The following B3GALT1 variants were observed in gnomAD, a reference collection of about 807,000 sequenced individuals.
B3GALT1 encodes the protein UDP-Gal:betaGlcNAc beta 1,3-galactosyltransferase, polypeptide 1.
B3GALT1 carries 10 observed loss-of-function variants against 23.2 expected under a neutral mutation model. The ratio of observed to expected loss-of-function variants is 0.43; its 90% CI spans 0.27 to 0.73. The LOEUF (loss-of-function observed/expected upper bound fraction) is 0.73, where lower values mean the gene tolerates loss of function less well. Ranked by LOEUF, B3GALT1 falls within the 30% of genes least tolerant of loss-of-function variation. The pLI, the probability that B3GALT1 is intolerant of heterozygous loss-of-function variation, is 0.21. For synonymous variants in B3GALT1, 156 were observed against 141.5 expected, an observed-to-expected ratio of 1.10 and a Z score of -0.73; for missense variants, 299 against 405.4, an observed-to-expected ratio of 0.74 and a Z score of 2.25.
chr2:167,576,520 G>GTTTTTTTTTTGTTTTTTTTT (rs1558912483), intron 2 of B3GALT1, among the ~76,000 whole-genome samples: 1 of 122,424 alleles, frequency 8.2e-6, no homozygotes, highest in African/African-American at 3.0e-5. Context: ...TTGTTTTTCT[G>GTTTTTTTTTTGTTTTTTTTT]TTTTTTTTTT....
At chr2:167,618,593 A>G (rs750924699) in intron 2 of B3GALT1, among the ~76,000 whole-genome samples, 1 of 152,084 alleles carries the variant, frequency 6.6e-6, no homozygotes, top group African/African-American at 2.4e-5. Context: ...TTCATTAATT[A>G]TACGACTAAT....
intron 1 of B3GALT1, among the ~76,000 whole-genome samples, chr2:167,386,826 C>G (rs1697935601): frequency 1.3e-5 from 2 of 152,204 alleles, no homozygotes; most frequent in African/African-American, 4.8e-5. Flanking sequence ...GTGTTTCAAA[C>G]TAGTTTTAGA....
intron 2 of B3GALT1, among the ~76,000 whole-genome samples, chr2:167,645,217 C>CT (rs1480359267): frequency 3.9e-5 from 6 of 152,154 alleles, no homozygotes; most frequent in Admixed American, 1.3e-4. Context: ...CCACCAAATG[C>CT]TGCCCAACCT....
intron 3 of B3GALT1, among the ~76,000 whole-genome samples, chr2:167,752,855 A>C (rs1687760561): frequency 6.6e-6 from 1 of 152,218 alleles, no homozygotes; most frequent in South Asian, 2.1e-4. Flanking sequence ...AGTGAATTTG[A>C]GATAAACCTG....
chr2:167,443,392 T>C (rs1379385070), intron 1 of B3GALT1, among the ~76,000 whole-genome samples: 2 of 152,220 alleles, frequency 1.3e-5, no homozygotes, highest in East Asian at 3.9e-4. Flanking sequence ...TTTAAAGTAG[T>C]TTCTTCCAAT....
chr2:167,777,403 A>G (rs1327790849), intron 3 of B3GALT1, among the ~76,000 whole-genome samples: 2 of 152,108 alleles, frequency 1.3e-5, no homozygotes, highest in East Asian at 3.9e-4. Context: ...CTGGAGTGCA[A>G]TGGCACGATC....
chr2:167,700,471 T>C (rs1303294132), intron 3 of B3GALT1, among the ~76,000 whole-genome samples: 1 of 152,114 alleles, frequency 6.6e-6, no homozygotes, highest in African/African-American at 2.4e-5. Context: ...TTTTGGAACA[T>C]CAATTTTGGG....
intron 2 of B3GALT1, among the ~76,000 whole-genome samples, chr2:167,509,431 CAT>C (rs1385217410): frequency 2.0e-5 from 3 of 151,632 alleles, no homozygotes; most frequent in East Asian, 3.9e-4. Flanking sequence ...TATATATATA[CAT>C]ATGTGTGTGT....
rs575870954 is a variant in B3GALT1, at chr2:167,811,975, T to C, written c.-351-6697T>C. Among the ~76,000 whole-genome samples, 3 of 152,352 alleles carry C rather than the reference T, an allele frequency of 2.0e-5. No homozygotes were observed. The South Asian group carries it at 6.2e-4, about 32-fold the overall frequency. On this transcript the variant is annotated intron_variant, in intron 3 of 4. Coordinates refer to ENST00000392690, the MANE Select transcript of B3GALT1 (RefSeq NM_020981.4). Reference sequence around the variant, plus strand: ...TTGCTGTTTTTCAGTGGTGGTGCTATATGTGTACAGATGTTGGACTATTCT... The same window carrying C: ...TTGCTGTTTTTCAGTGGTGGTGCTACATGTGTACAGATGTTGGACTATTCT...
intron 2 of B3GALT1, among the ~76,000 whole-genome samples, chr2:167,503,561 A>G (rs1699877286): frequency 6.6e-6 from 1 of 152,224 alleles, no homozygotes; most frequent in Admixed American, 6.5e-5. Flanking sequence ...CAGCATCATT[A>G]TCCACTACCT....
chr2:167,674,606 G>A (rs1686390710), intron 3 of B3GALT1, among the ~76,000 whole-genome samples: 1 of 152,076 alleles, frequency 6.6e-6, no homozygotes, highest in African/African-American at 2.4e-5. Context: ...ATAGACCCAG[G>A]TATCTCAAAG....
intron 2 of B3GALT1, among the ~76,000 whole-genome samples, chr2:167,570,324 T>C (rs938391423): frequency 6.6e-6 from 1 of 151,822 alleles, no homozygotes; most frequent in African/African-American, 2.4e-5. Context: ...TTATTAGTTA[T>C]TGATTCAATT....
chr2:167,832,629 C>T (rs80227620), intron 4 of B3GALT1, among the ~76,000 whole-genome samples: 14,968 of 152,242 alleles, frequency 0.098, 1,040 homozygotes, highest in Non-Finnish European at 0.15. Context: ...AAACATATGT[C>T]CAGTTTCTAA....
intron 1 of B3GALT1, among the ~76,000 whole-genome samples, chr2:167,352,448 G>A (rs903256053): frequency 7.9e-5 from 12 of 151,526 alleles, no homozygotes; most frequent in Non-Finnish European, 1.5e-4. Context: ...GTAGCCGGGG[G>A]CAGTGGCTCA....
intron 3 of B3GALT1, among the ~76,000 whole-genome samples, chr2:167,691,411 CAATCACTTTGTTTTCATCATCAAAACA>C (rs1283841613): frequency 6.6e-6 from 1 of 152,098 alleles, no homozygotes; most frequent in Non-Finnish European, 1.5e-5. Context: ...TTTAACTGTG[CAATCACTTTGTTTTCATCATCAAAACA>C]TATAATTAAA....
chr2:167,477,062 C>G (rs770998159), intron 1 of B3GALT1, among the ~76,000 whole-genome samples: 1 of 152,134 alleles, frequency 6.6e-6, no homozygotes, highest in Non-Finnish European at 1.5e-5. Context: ...AATCCTAATG[C>G]GTAACTCAAA....
rs1689601012 is a variant in B3GALT1 at position 167,839,998 on chromosome 2, C to T, written c.-230+21205C>T. On this transcript the variant is annotated intron_variant, in intron 4 of 4. Transcript: ENST00000392690. ...CATATGTAGAAAGCTGAAACTGGAT[C>T]CCTTCCTTACACCTTATACAAAAAT... Among the ~76,000 whole-genome samples, 3 of 152,066 alleles carry T rather than the reference C, an allele frequency of 2.0e-5. No homozygotes were observed. In the South Asian group the frequency reaches 6.2e-4, roughly 32 times the overall value.
intron 3 of B3GALT1, among the ~76,000 whole-genome samples, chr2:167,648,562 A>G (rs1371995941): frequency 6.6e-6 from 1 of 152,220 alleles, no homozygotes; most frequent in African/African-American, 2.4e-5. Context: ...TAATGTATAG[A>G]TTTCTCTTGT....
At chr2:167,825,786 AGCCCTTG>A (rs1427822904) in intron 4 of B3GALT1, among the ~76,000 whole-genome samples, 4 of 152,152 alleles carry the variant, frequency 2.6e-5, no homozygotes, top group African/African-American at 4.8e-5. Flanking sequence ...TCTGTGCCAC[AGCCCTTG>A]GCTCCACTCT....
Sources: gnomAD v4.1 joint callset for allele counts (sites outside exome capture counted in the v4.1 genomes callset) on GRCh38, gnomAD v4.1.1 for gene constraint, MANE v1.5 for transcripts, NCBI Gene and HGNC (gene_info 2026-07-23, HGNC 2026-07-21) for gene names.